Variants in PIP4K2A observed in about 807,000 individuals in gnomAD.
PIP4K2A encodes the protein phosphatidylinositol 5-phosphate 4-kinase type-2 alpha.
Under a neutral mutation model 42.9 loss-of-function variants are expected in PIP4K2A, and 14 were observed. That is an observed-to-expected ratio of 0.33 (90% CI 0.22 to 0.51). PIP4K2A has a LOEUF of 0.51. Ranked by LOEUF, PIP4K2A falls within the 20% of genes least tolerant of loss-of-function variation. PIP4K2A has a pLI of 0.97. For synonymous variants in PIP4K2A, 192 were observed against 192.2 expected (o/e 1.00, Z 0.01); for missense variants, 434 against 519.8 (o/e 0.83, Z 1.61).
chr10:22,539,911 G>GA (rs1554792179), intron 9 of PIP4K2A, 60 bp downstream of exon 9: 5,334 of 107,102 alleles, frequency 0.05, 104 homozygotes, highest in African/African-American at 0.14. Flanking sequence ...GAGAGAGAGA[G>GA]GGAGAGAGAG....
chr10:22,647,898 C>G (rs1159851156), intron 1 of PIP4K2A, among the ~76,000 whole-genome samples: 1 of 152,150 alleles, frequency 6.6e-6, no homozygotes, highest in Non-Finnish European at 1.5e-5. Flanking sequence ...AAAAGAAAAA[C>G]AATGTGTGAA....
At chr10:22,641,409 C>T (rs774797781) in intron 1 of PIP4K2A, among the ~76,000 whole-genome samples, 1 of 152,088 alleles carries the variant, frequency 6.6e-6, no homozygotes, top group Non-Finnish European at 1.5e-5. Context: ...ATATAGATTT[C>T]ATGTTTACTT....
At chr10:22,560,473 G>A (rs1836661553) in intron 6 of PIP4K2A, among the ~76,000 whole-genome samples, 2 of 152,200 alleles carry the variant, frequency 1.3e-5, no homozygotes, top group African/African-American at 4.8e-5. Flanking sequence ...TTAGACGTAA[G>A]GGTATTAATG....
At chr10:22,569,078 AT>A in intron 5 of PIP4K2A, 1 of 1,523,846 alleles carries the variant, frequency 6.6e-7, no homozygotes, top group Non-Finnish European at 8.8e-7. Context: ...AAAATTTTTG[AT>A]TACTGGCTTT....
chr10:22,554,604 G>A lies in PIP4K2A; in HGVS notation c.679-3832C>T, dbSNP rs551085967. Among the ~76,000 whole-genome samples, 48 of 152,342 alleles carry A rather than the reference G, an allele frequency of 3.2e-4. No homozygotes were observed. In the South Asian group the frequency reaches 8.9e-3, roughly 28 times the overall value. Reference sequence around the variant, plus strand: ...CAGCTCAGAAATGCTTCTCAGCTGTGGACTCTCCGAGGCCGGCTTCCAGCC... The same window carrying A: ...CAGCTCAGAAATGCTTCTCAGCTGTAGACTCTCCGAGGCCGGCTTCCAGCC... On this transcript the variant is annotated intron_variant, in intron 6 of 9. Transcript: ENST00000376573.
chr10:22,649,905 C>T (rs1838957802), intron 1 of PIP4K2A, among the ~76,000 whole-genome samples: 1 of 152,096 alleles, frequency 6.6e-6, no homozygotes, highest in Non-Finnish European at 1.5e-5. Flanking sequence ...CATTCATATC[C>T]CTCTCCCATC....
chr10:22,539,866 C>T (rs1206083597), intron 9 of PIP4K2A, 105 bp downstream of exon 9: 2 of 757,940 alleles, frequency 2.6e-6, no homozygotes, highest in Non-Finnish European at 4.8e-6. Flanking sequence ...CCCTGAGTTA[C>T]AGGTCACACA....
chr10:22,687,433 G>C (rs929958387), intron 1 of PIP4K2A, among the ~76,000 whole-genome samples: 1 of 152,088 alleles, frequency 6.6e-6, no homozygotes, highest in Non-Finnish European at 1.5e-5. Flanking sequence ...GGATGAACAA[G>C]TTTAGAGGTC....
intron 1 of PIP4K2A, among the ~76,000 whole-genome samples, chr10:22,650,284 C>T (rs1042604742): frequency 6.6e-6 from 1 of 152,096 alleles, no homozygotes; most frequent in Non-Finnish European, 1.5e-5. Context: ...GACTGGGTAT[C>T]CCTTTGTCAC....
intron 3 of PIP4K2A, among the ~76,000 whole-genome samples, chr10:22,606,313 G>GAAA (rs201206073): frequency 6.6e-6 from 1 of 151,082 alleles, no homozygotes; most frequent in Non-Finnish European, 1.5e-5. Flanking sequence ...CTTGTATCAA[G>GAAA]AAAAAAAAAG....
At chr10:22,589,356 T>C (rs969247811) in intron 4 of PIP4K2A, among the ~76,000 whole-genome samples, 1 of 152,232 alleles carries the variant, frequency 6.6e-6, no homozygotes, top group Non-Finnish European at 1.5e-5. Flanking sequence ...CAGAGCCTCA[T>C]GTCTTCCCCC....
chr10:22,588,203 A>G (rs1169590792), intron 4 of PIP4K2A, among the ~76,000 whole-genome samples: 1 of 152,252 alleles, frequency 6.6e-6, no homozygotes, highest in Non-Finnish European at 1.5e-5. Flanking sequence ...TAATTTAAAA[A>G]TGGACAAATT....
chr10:22,706,804 A>AT (rs1407117138), intron 1 of PIP4K2A, among the ~76,000 whole-genome samples: 1 of 152,236 alleles, frequency 6.6e-6, no homozygotes, highest in African/African-American at 2.4e-5. Flanking sequence ...AAGAAAGAAC[A>AT]TAACAAAATA....
Position 22,537,285 on chromosome 10 carries a change from G to A in PIP4K2A, c.1141-4C>T. The A allele has an allele frequency of 6.3e-7, 1 of 1,587,520 alleles. No individual in the cohort carries two copies. Among genetic ancestry groups the A allele is most frequent in the African/African-American group, 1.4e-5 (1 of 73,086 alleles). On this transcript the variant is annotated splice_polypyrimidine_tract_variant and splice_region_variant and intron_variant, in intron 9 of 9. Coordinates refer to ENST00000376573, the MANE Select transcript of PIP4K2A (RefSeq NM_005028.5). ...CGGTGGAGATCTCCGCGCCAGCCTG[G>A]GCAGTTTTTAAAAAAGGAAATATTG...
intron 1 of PIP4K2A, among the ~76,000 whole-genome samples, chr10:22,702,603 G>A (rs370564978): frequency 5.3e-5 from 8 of 152,280 alleles, no homozygotes; most frequent in African/African-American, 1.9e-4. Context: ...GCACTGGCTT[G>A]CAGTTACCCC....
intron 1 of PIP4K2A, chr10:22,659,525 C>T (rs1839163029): frequency 6.6e-6 from 1 of 152,216 alleles, no homozygotes; most frequent in Non-Finnish European, 1.5e-5. Context: ...ATTAAATGTG[C>T]CACAGGAGTT....
rs1839554963 is a variant in PIP4K2A, at chr10:22,676,198, TTCCC to T, written c.144+37981_144+37984del. On this transcript the variant is annotated intron_variant, in intron 1 of 9. Coordinates refer to ENST00000376573, the MANE Select transcript of PIP4K2A (RefSeq NM_005028.5). ...GTGGTCCCAGTAACAGTGCTTTCAT[TTCCC>T]AAGTTTCTTCTGCTCAATAAGACCC... Among the ~76,000 whole-genome samples the T allele has an allele frequency of 1.7e-4, 26 of 152,282 alleles. 1 individual carries two copies. The South Asian group carries it at 5.4e-3, about 32-fold the overall frequency.
intron 4 of PIP4K2A, among the ~76,000 whole-genome samples, chr10:22,587,226 A>G (rs998273800): frequency 6.6e-6 from 1 of 152,196 alleles, no homozygotes; most frequent in Non-Finnish European, 1.5e-5. Flanking sequence ...AAAACAAAAA[A>G]CAACAAAGGA....
chr10:22,626,426 T>C (rs1838438912), intron 1 of PIP4K2A, among the ~76,000 whole-genome samples: 1 of 152,220 alleles, frequency 6.6e-6, no homozygotes, highest in African/African-American at 2.4e-5. Context: ...AAAGAAATAA[T>C]TGTTTAGCAA....
Sources: allele counts gnomAD v4.1 joint callset (sites outside exome capture counted in the v4.1 genomes callset), GRCh38; gene constraint gnomAD v4.1.1; transcripts MANE v1.5; gene names NCBI Gene and HGNC (gene_info 2026-07-23, HGNC 2026-07-21).